CCDC141: variants seen among roughly 807,000 people sequenced by gnomAD.
The protein encoded by CCDC141 is coiled-coil domain-containing protein 141.
In CCDC141, 168 loss-of-function variants were observed where a neutral mutation model predicts 181.0. The observed-to-expected ratio is 0.93, with a 90% confidence interval of 0.82 to 1.05. The LOEUF (loss-of-function observed/expected upper bound fraction) is 1.05. Among genes scored for constraint, CCDC141 ranks in the 50% least tolerant of loss-of-function variants. The pLI is 0.00. For missense variants in CCDC141, 1,902 were observed against 1,788.5 expected, an observed-to-expected ratio of 1.06 and a Z score of -1.14; for synonymous variants, 666 against 642.3, an observed-to-expected ratio of 1.04 and a Z score of -0.56.
At chr2:179,044,751 G>A (rs1286890265) in intron 2 of CCDC141, among the ~76,000 whole-genome samples, 1 of 152,198 alleles carries the variant, frequency 6.6e-6, no homozygotes, top group Non-Finnish European at 1.5e-5. Context: ...AGGAGATCAT[G>A]AGAACGCAAA....
intron 2 of CCDC141, among the ~76,000 whole-genome samples, chr2:179,035,624 T>C (rs563887663): frequency 6.6e-6 from 1 of 152,294 alleles, no homozygotes; most frequent in Non-Finnish European, 1.5e-5. Context: ...GGAAGTTGAT[T>C]GACTGTTGGA....
rs2154378973 is a variant in CCDC141, at chr2:178,961,391, G to C, written c.619C>G (p.Pro207Ala). Residue 207 changes from proline (P) to alanine (A), a missense_variant, in exon 5 of 24, where the codon CCT (proline) becomes GCT (alanine). Transcript: ENST00000443758. The stretch of plus-strand genomic sequence containing the variant: ...CTATGAGCTCCCTGAGTCAACTCAG[G>C]ATTCACATTAGGTCCTTCACACTTG... ...KFKCEGPNVN[P>A]ELTQGAHSSC... 2 of 1,550,574 alleles carry C rather than the reference G, an allele frequency of 1.3e-6. No homozygotes were observed. Among genetic ancestry groups the C allele is most frequent in the African/African-American group, 1.4e-5 (1 of 73,156 alleles).
chr2:179,015,101 TATAATATATATATAATCATATA>T (rs2042414182), intron 2 of CCDC141, among the ~76,000 whole-genome samples: 1 of 36,452 alleles, frequency 2.7e-5, no homozygotes, highest in Non-Finnish European at 7.5e-5. Flanking sequence ...TATATATATA[TATAATATATATATAATCATATA>T]TATATATCAT....
chr2:178,931,906 G>T (rs183609390), intron 6 of CCDC141, among the ~76,000 whole-genome samples: 4 of 152,162 alleles, frequency 2.6e-5, no homozygotes, highest in African/African-American at 9.6e-5. Context: ...TGACTCACGC[G>T]TGTAATCCCT....
chr2:178,834,143 G>T lies in CCDC141; in HGVS notation c.*30C>A, dbSNP rs1474099652. 6 of 1,527,650 alleles carry T rather than the reference G, an allele frequency of 3.9e-6. No individual in the cohort carries two copies. Among genetic ancestry groups the T allele is most frequent in the Non-Finnish European group, 4.4e-6 (5 of 1,139,922 alleles). 94.6% of individuals were successfully genotyped at this position (1,527,650 alleles called of 1,614,324 possible). ...GCGGCACTTTTCTTTAGGCACATGAGAATGATGTCCATTGGTGCCAACACC... is the reference window on the plus strand; with the variant it reads ...GCGGCACTTTTCTTTAGGCACATGATAATGATGTCCATTGGTGCCAACACC... On this transcript the variant is annotated 3_prime_UTR_variant, in exon 24 of 24. Coordinates refer to ENST00000443758, the MANE Select transcript of CCDC141 (RefSeq NM_173648.4).
At chr2:179,043,220 G>C (rs1415309898) in intron 2 of CCDC141, among the ~76,000 whole-genome samples, 3 of 152,232 alleles carry the variant, frequency 2.0e-5, no homozygotes, top group South Asian at 4.2e-4. Context: ...TGAAATTGAG[G>C]CAGTAATAAA....
intron 8 of CCDC141, among the ~76,000 whole-genome samples, chr2:178,897,963 A>T (rs1475511147): frequency 2.6e-5 from 4 of 152,156 alleles, no homozygotes; most frequent in Non-Finnish European, 2.9e-5. Flanking sequence ...GTTCTCAAGG[A>T]TGATGCTTAG....
intron 14 of CCDC141, 108 bp downstream of exon 14, chr2:178,871,319 T>C: frequency 7.6e-7 from 1 of 1,312,170 alleles, no homozygotes; most frequent in Non-Finnish European, 1.0e-6. Flanking sequence ...TACTTTTGTT[T>C]AAAAAAATAG....
chr2:178,990,195 A>G (rs1482750002), intron 2 of CCDC141, among the ~76,000 whole-genome samples: 1 of 151,864 alleles, frequency 6.6e-6, no homozygotes, highest in Non-Finnish European at 1.5e-5. Flanking sequence ...TGGCAAGAAC[A>G]TGGAGAAAAT....
intron 7 of CCDC141, among the ~76,000 whole-genome samples, chr2:178,911,746 C>T (rs1461442875): frequency 6.6e-6 from 1 of 152,146 alleles, no homozygotes; most frequent in Non-Finnish European, 1.5e-5. Context: ...CTATGTGACA[C>T]ACAAAGAAGA....
Position 178,837,449 on chromosome 2 carries a change from C to CCCA in CCDC141, c.3769_3770insTGG (p.Ser1257delinsMetGly). The CCCA allele has an allele frequency of 1.9e-6, 3 of 1,614,106 alleles. No individual in the cohort carries two copies. The highest frequency in any genetic ancestry group is 1.7e-4 in the Middle Eastern group (1 of 6,060). ...AACAGATTCCTGGGCATCCCCTGGG[C>CCCA]TGCTGGTCCCAGCCTGCACCCCATA... On this transcript the variant is annotated protein_altering_variant, in exon 23 of 24. Coordinates refer to ENST00000443758, the MANE Select transcript of CCDC141 (RefSeq NM_173648.4).
At chr2:178,986,203 C>G (rs1691725174) in intron 2 of CCDC141, among the ~76,000 whole-genome samples, 1 of 152,106 alleles carries the variant, frequency 6.6e-6, no homozygotes, top group Non-Finnish European at 1.5e-5. Flanking sequence ...TAAACAGAGC[C>G]AAAGACAAAA....
chr2:178,948,702 C>T (rs1490577104), intron 5 of CCDC141, among the ~76,000 whole-genome samples: 1 of 152,080 alleles, frequency 6.6e-6, no homozygotes, highest in African/African-American at 2.4e-5. Flanking sequence ...GGTGAGTTCT[C>T]CCTTTATTAG....
chr2:178,866,731 TG>T (rs1685870446), intron 16 of CCDC141, among the ~76,000 whole-genome samples: 1 of 152,210 alleles, frequency 6.6e-6, no homozygotes. Flanking sequence ...TGTTTTGTTT[TG>T]TTTTTTTGAG....
chr2:178,855,632 T>C, intron 18 of CCDC141, 91 bp from the exon 19 acceptor site: 1 of 774,216 alleles, frequency 1.3e-6, no homozygotes, highest in East Asian at 3.0e-5. Flanking sequence ...TGGTAAAAAT[T>C]TTGCAGCTTC....
chr2:178,845,619 T>C lies in CCDC141; in HGVS notation c.3474+7A>G. 1 of 1,504,294 alleles carries C rather than the reference T, an allele frequency of 6.6e-7. No individual in the cohort carries two copies. Among genetic ancestry groups the C allele is most frequent in the Non-Finnish European group, 9.3e-7 (1 of 1,080,478 alleles). 93.2% of individuals were successfully genotyped at this position (1,504,294 alleles called of 1,614,324 possible). A position where few individuals can be genotyped will look rare whatever the true frequency, so the allele number is the denominator to read the frequency against. ...CTCAATAGCTGAGGTTAAGTAGTTT[T>C]CTTTACCTTATTCCTTTCTTCATTG... On this transcript the variant is annotated splice_region_variant and intron_variant, in intron 22 of 23. Transcript: ENST00000443758.
At chr2:178,957,332 A>C (rs1425606198) in intron 5 of CCDC141, among the ~76,000 whole-genome samples, 2 of 152,188 alleles carry the variant, frequency 1.3e-5, no homozygotes, top group African/African-American at 4.8e-5. Flanking sequence ...TATTATTCCC[A>C]ATTTAAAGGT....
intron 4 of CCDC141, among the ~76,000 whole-genome samples, chr2:178,966,479 G>A (rs1212323307): frequency 1.3e-5 from 2 of 152,146 alleles, no homozygotes; most frequent in East Asian, 3.9e-4. Context: ...GGCACACAGG[G>A]TCAGGAGTGG....
At chr2:178,827,956 G>A (rs1013485057), downstream of CCDC141, among the ~76,000 whole-genome samples, 8 of 152,106 alleles carry the variant, frequency 5.3e-5, no homozygotes, top group African/African-American at 9.7e-5. Flanking sequence ...AGCTTCCAGC[G>A]ATTGCAATCT....
Sources: gnomAD v4.1 joint callset for allele counts (sites outside exome capture counted in the v4.1 genomes callset) on GRCh38, gnomAD v4.1.1 for gene constraint, MANE v1.5 for transcripts, NCBI Gene and HGNC (gene_info 2026-07-23, HGNC 2026-07-21) for gene names.